The following SYNPO2 variants were observed in gnomAD, a reference collection of about 807,000 sequenced individuals.
The protein encoded by SYNPO2 is synaptopodin 2, also known as synaptopodin-2.
SYNPO2 carries 56 observed loss-of-function variants against 85.0 expected under a neutral mutation model. That is an observed-to-expected ratio of 0.66 (90% CI 0.53 to 0.82). SYNPO2 has a LOEUF of 0.82. Ranked by LOEUF, SYNPO2 falls within the 40% of genes least tolerant of loss-of-function variation. SYNPO2 has a pLI of 0.00. For synonymous variants in SYNPO2, 602 were observed against 591.1 expected, an observed-to-expected ratio of 1.02 and a Z score of -0.27; for missense variants, 1,575 against 1,534.2, an observed-to-expected ratio of 1.03 and a Z score of -0.44.
At chr4:118,917,418 CA>C (rs372034723) in intron 1 of SYNPO2, among the ~76,000 whole-genome samples, 14 of 151,370 alleles carry the variant, frequency 9.2e-5, no homozygotes, top group Admixed American at 9.2e-4. Context: ...AACCAACAAA[CA>C]AAAAAAACAA....
At chr4:119,020,664 C>T (rs751921851) in intron 1 of SYNPO2, among the ~76,000 whole-genome samples, 4 of 152,000 alleles carry the variant, frequency 2.6e-5, no homozygotes, top group Admixed American at 2.0e-4. Flanking sequence ...ATGTTCTGTT[C>T]GAATCCTGGT....
At chr4:118,990,894 G>C (rs1736391925) in intron 1 of SYNPO2, among the ~76,000 whole-genome samples, 1 of 152,070 alleles carries the variant, frequency 6.6e-6, no homozygotes, top group African/African-American at 2.4e-5. Flanking sequence ...ACAGGTGTGA[G>C]CCACCATGCC....
At chr4:118,883,249 A>T (rs13112345) in intron 1 of SYNPO2, among the ~76,000 whole-genome samples, 15,594 of 152,160 alleles carry the variant, frequency 0.1, 1,032 homozygotes, top group Non-Finnish European at 0.14. Flanking sequence ...TTCTCCAAAA[A>T]TTTTTACCAT....
At chr4:118,893,608 A>G (rs1410789391) in intron 1 of SYNPO2, among the ~76,000 whole-genome samples, 1 of 152,172 alleles carries the variant, frequency 6.6e-6, no homozygotes, top group African/African-American at 2.4e-5. Flanking sequence ...AGTGGTCCCA[A>G]AAGGAAAGAT....
intron 1 of SYNPO2, among the ~76,000 whole-genome samples, chr4:118,879,132 A>G (rs896135748): frequency 6.6e-6 from 1 of 152,166 alleles, no homozygotes; most frequent in Non-Finnish European, 1.5e-5. Context: ...CGCCAGAAGG[A>G]AGAAACTCCC....
intron 4 of SYNPO2, among the ~76,000 whole-genome samples, chr4:119,053,685 T>C (rs1488931880): frequency 6.6e-6 from 1 of 152,218 alleles, no homozygotes; most frequent in South Asian, 2.1e-4. Flanking sequence ...TTTTGAACTT[T>C]ATAAATTCTG....
intron 1 of SYNPO2, among the ~76,000 whole-genome samples, chr4:118,991,864 C>T (rs1314634816): frequency 1.3e-5 from 2 of 152,058 alleles, no homozygotes. Flanking sequence ...CATAGAAATG[C>T]CCCGAAGCAG....
At chr4:118,935,755 A>G (rs76579834) in intron 1 of SYNPO2, among the ~76,000 whole-genome samples, 3,933 of 152,382 alleles carry the variant, frequency 0.026, 78 homozygotes, top group South Asian at 0.044. Flanking sequence ...ACACATATTA[A>G]TATCTTGTAC....
chr4:118,996,729 C>A (rs1029918060), intron 1 of SYNPO2, among the ~76,000 whole-genome samples: 7 of 151,488 alleles, frequency 4.6e-5, no homozygotes, highest in East Asian at 2.0e-4. Flanking sequence ...TGGTGGCACA[C>A]GCCTGTAGTC....
At chr4:118,952,541 A>C (rs1734736241) in intron 1 of SYNPO2, among the ~76,000 whole-genome samples, 1 of 152,108 alleles carries the variant, frequency 6.6e-6, no homozygotes, top group Admixed American at 6.6e-5. Flanking sequence ...TTTTGAATTA[A>C]CTCTAATTAA....
chr4:118,994,024 TG>T (rs1736500307), intron 1 of SYNPO2, among the ~76,000 whole-genome samples: 1 of 152,250 alleles, frequency 6.6e-6, no homozygotes, highest in Admixed American at 6.5e-5. Context: ...CTTTTATTAC[TG>T]TTGAACATTT....
rs762720790 is a variant in SYNPO2, at chr4:119,057,596, AGAAACATCC to A, written c.3449_3457del (p.Arg1150_Gln1153delinsLys). On this transcript the variant is annotated inframe_deletion, in exon 5 of 5. Transcript: ENST00000307142. ...TCTAGTGGATGATGCTTTCCAACCC[AGAAACATCC>A]AGGAATCCATTGTGGCAAATGTGGT... 30 of 1,614,034 alleles carry A rather than the reference AGAAACATCC, an allele frequency of 1.9e-5. No individual in the cohort carries two copies. The South Asian group carries it at 3.2e-4, about 17-fold the overall frequency.
chr4:118,933,829 G>GTTTTTTTTTTTTTTTTTTTTTTT lies in SYNPO2; in HGVS notation c.105+44705_105+44706insTTTTTTTTTTTTTTTTTTTTTTT, dbSNP rs71595334. Among the ~76,000 whole-genome samples the GTTTTTTTTTTTTTTTTTTTTTTT allele has an allele frequency of 1.2e-4, 12 of 102,310 alleles. 2 individuals carry two copies. The highest frequency in any genetic ancestry group is 2.4e-4 in the Admixed American group (2 of 8,276). 67.1% of individuals were successfully genotyped at this position (102,310 alleles called of 152,430 possible). On this transcript the variant is annotated intron_variant, in intron 1 of 4. Transcript: ENST00000307142. ...ATAGCTGCTTTTTGCTGTTGTTGTT[G>GTTTTTTTTTTTTTTTTTTTTTTT]TTTTTTTTTTTTTTTTTGGACAGTA...
At position 119,027,349 on chromosome 4, in the gene SYNPO2, C is replaced by G. The variant is rs141002177; in HGVS notation, c.980C>G (p.Ala327Gly). Reference protein sequence around the residue: ...SEAPPSLVSFAVSSEGTEQGE... With the variant: ...SEAPPSLVSFGVSSEGTEQGE... Reference sequence around the variant, plus strand: ...GCACCTCCTTCTCTGGTATCCTTTGCCGTCTCATCAGAAGGCACAGAGCAG... The same window carrying G: ...GCACCTCCTTCTCTGGTATCCTTTGGCGTCTCATCAGAAGGCACAGAGCAG... Residue 327 changes from alanine to glycine, a missense_variant, in exon 3 of 5, where the codon GCC becomes GGC. Transcript: ENST00000307142. 4.6e-4 allele frequency: 737 copies of G among 1,613,964 alleles called. 1 individual carries two copies. In the African/African-American group the frequency reaches 5.4e-3, roughly 12 times the overall value.
intron 1 of SYNPO2, among the ~76,000 whole-genome samples, chr4:118,935,444 A>T (rs1734068563): frequency 1.3e-5 from 2 of 152,214 alleles, no homozygotes; most frequent in Non-Finnish European, 2.9e-5. Context: ...AATTTTTATA[A>T]ATTATCAGTA....
In SYNPO2 at chr4:119,030,931, G is replaced by A. The variant is rs770727844; in HGVS notation, c.2156G>A (p.Gly719Asp). Residue 719 changes from glycine (G) to aspartate (D), a missense_variant, in exon 4 of 5, where the codon GGC (glycine) becomes GAC (aspartate). By Grantham distance (94) the Gly-to-Asp change is moderately conservative. Around this residue, in one of 3 missense-constraint regions of SYNPO2, gnomAD observed 1,508 missense variants for 1,446.8 expected, o/e 1.04. Transcript: ENST00000307142. ...TTGTCACTCCTTCAAAATTCAGAAGGCAAACGGGGCACTGGAGCTGGAGGT... is the reference window on the plus strand; with the variant it reads ...TTGTCACTCCTTCAAAATTCAGAAGACAAACGGGGCACTGGAGCTGGAGGT... ...ELLSLLQNSE[G>D]KRGTGAGGDS... 12 of 1,614,166 alleles carry A rather than the reference G, an allele frequency of 7.4e-6. 1 individual carries two copies. In the South Asian group the frequency reaches 1.3e-4, roughly 18 times the overall value.
At chr4:118,885,972 TA>T (rs1732192514), upstream of SYNPO2, among the ~76,000 whole-genome samples, 1 of 152,308 alleles carries the variant, frequency 6.6e-6, no homozygotes, top group Non-Finnish European at 1.5e-5. Flanking sequence ...AGAGAAACAC[TA>T]ATACCTATCT....
At chr4:118,967,625 C>A (rs933309798) in intron 1 of SYNPO2, among the ~76,000 whole-genome samples, 1 of 152,182 alleles carries the variant, frequency 6.6e-6, no homozygotes, top group African/African-American at 2.4e-5. Flanking sequence ...AACCATTTGC[C>A]TCACTTGGGG....
intron 1 of SYNPO2, among the ~76,000 whole-genome samples, chr4:118,862,854 A>C (rs1034510263): frequency 7.9e-5 from 12 of 151,190 alleles, no homozygotes; most frequent in Non-Finnish European, 1.3e-4. Context: ...TCTGTCGCCC[A>C]GGCTAGAGTG....
Sources: gnomAD v4.1 joint callset for allele counts (sites outside exome capture counted in the v4.1 genomes callset) on GRCh38, gnomAD v4.1.1 for gene constraint, gnomAD v4.1.1 regional missense constraint, MANE v1.5 for transcripts, NCBI Gene and HGNC (gene_info 2026-07-23, HGNC 2026-07-21) for gene names.